PTPRM: variants seen among roughly 807,000 people sequenced by gnomAD.
The protein encoded by PTPRM is protein tyrosine phosphatase receptor type M, also known as receptor-type tyrosine-protein phosphatase mu.
A neutral mutation model predicts 186.7 loss-of-function variants in PTPRM; 47 were observed. The observed-to-expected ratio is 0.25, with a 90% CI of 0.20 to 0.32. PTPRM has a LOEUF of 0.32. PTPRM is among the 10% of genes least tolerant of loss of function. PTPRM has a pLI of 1.00. For synonymous variants in PTPRM, 668 were observed against 674.9 expected, an observed-to-expected ratio of 0.99 and a Z score of 0.16; for missense variants, 1,494 against 1,865.0, an observed-to-expected ratio of 0.80 and a Z score of 3.66.
chr18:7,828,149 C>T (rs1454109837), intron 2 of PTPRM, among the ~76,000 whole-genome samples: 2 of 151,996 alleles, frequency 1.3e-5, no homozygotes, highest in African/African-American at 2.4e-5. Flanking sequence ...TCAAATGAGG[C>T]AGGATTGTAG....
At chr18:7,949,578 A>T (rs2052794854) in intron 6 of PTPRM, among the ~76,000 whole-genome samples, 1 of 152,238 alleles carries the variant, frequency 6.6e-6, no homozygotes, top group Admixed American at 6.5e-5. Flanking sequence ...CACAAAAAAC[A>T]ATGAATGTGC....
At chr18:8,291,511 C>G (rs957541918) in intron 19 of PTPRM, among the ~76,000 whole-genome samples, 1 of 152,038 alleles carries the variant, frequency 6.6e-6, no homozygotes, top group Admixed American at 6.6e-5. Flanking sequence ...GATTACTTCC[C>G]AAGAATATTG....
At chr18:8,249,384 A>T (rs1383819838) in intron 17 of PTPRM, among the ~76,000 whole-genome samples, 2 of 152,214 alleles carry the variant, frequency 1.3e-5, no homozygotes, top group African/African-American at 4.8e-5. Context: ...CTGAGGGCTA[A>T]CAAAGCCCAC....
rs1018139405 is a variant in PTPRM at position 8,269,008 on chromosome 18, A to G, written c.2754+15594A>G. On this transcript the variant is annotated intron_variant, in intron 19 of 32. Coordinates refer to ENST00000580170, the MANE Select transcript of PTPRM (RefSeq NM_001105244.2). ...CTGAAAGCTTTTCTTCTAACAAGAC[A>G]AAGGTGCCCACTCTCACCAGTTCTG... Among the ~76,000 whole-genome samples, 26 of 152,154 alleles carry G rather than the reference A, an allele frequency of 1.7e-4. 1 individual carries two copies. The highest frequency in any genetic ancestry group is 1.7e-3 in the Admixed American group (26 of 15,278).
At chr18:8,247,772 G>A (rs1185585966) in intron 15 of PTPRM, 73 bp from the exon 16 acceptor site, 1 of 1,075,142 alleles carries the variant, frequency 9.3e-7, no homozygotes, top group African/African-American at 1.6e-5. Flanking sequence ...CACCATGGGT[G>A]GTCTCAGAGC....
chr18:7,830,579 C>T lies in PTPRM; in HGVS notation c.196+56308C>T, dbSNP rs1020354817. On this transcript the variant is annotated intron_variant, in intron 2 of 32. Transcript: ENST00000580170. Reference sequence around the variant, plus strand: ...TGCTGTTGACAGGAAAGTCGTTAGGCAGTACATGACTTACCTATGTAGAGA... The same window carrying T: ...TGCTGTTGACAGGAAAGTCGTTAGGTAGTACATGACTTACCTATGTAGAGA... Among the ~76,000 whole-genome samples the T allele has an allele frequency of 2.0e-5, 3 of 152,112 alleles. No homozygotes were observed. In the East Asian group the frequency reaches 5.8e-4, roughly 29 times the overall value.
intron 13 of PTPRM, among the ~76,000 whole-genome samples, chr18:8,140,339 A>G (rs1172919271): frequency 6.6e-6 from 1 of 151,998 alleles, no homozygotes; most frequent in African/African-American, 2.4e-5. Context: ...TGCTGCTGTT[A>G]TTTAATTTAA....
At chr18:8,198,675 C>A (rs2146806928) in intron 14 of PTPRM, among the ~76,000 whole-genome samples, 1 of 152,218 alleles carries the variant, frequency 6.6e-6, no homozygotes, top group South Asian at 2.1e-4. Flanking sequence ...ATCTGTCTTT[C>A]TTAATGACGA....
intron 14 of PTPRM, among the ~76,000 whole-genome samples, chr18:8,207,179 G>A (rs1205576280): frequency 6.6e-6 from 1 of 152,120 alleles, no homozygotes; most frequent in African/African-American, 2.4e-5. Flanking sequence ...GGTCATGGGT[G>A]GATATGAAAC....
chr18:8,345,115 A>G (rs1283812121), intron 23 of PTPRM, among the ~76,000 whole-genome samples: 1 of 152,236 alleles, frequency 6.6e-6, no homozygotes, highest in Non-Finnish European at 1.5e-5. Flanking sequence ...AAGTTGTCAC[A>G]TGCAAATAAC....
intron 2 of PTPRM, among the ~76,000 whole-genome samples, chr18:7,780,351 C>G (rs924045525): frequency 2.0e-5 from 3 of 152,186 alleles, no homozygotes; most frequent in African/African-American, 7.2e-5. Flanking sequence ...ACAGCCTTCA[C>G]TTTTGTTCTT....
chr18:8,113,767 G>T lies in PTPRM; in HGVS notation c.2130+8G>T, dbSNP rs1231195136. 12 of 1,606,024 alleles carry T rather than the reference G, an allele frequency of 7.5e-6. No individual in the cohort carries two copies. The highest frequency in any genetic ancestry group is 1.3e-5 in the African/African-American group (1 of 74,656). On this transcript the variant is annotated splice_region_variant and intron_variant, in intron 12 of 32. Transcript: ENST00000580170. ...GCTAGTAGAGCCAATGGGGTAAGTT[G>T]TACAGATAACTGTTTACTTAGGCTA...
intron 23 of PTPRM, among the ~76,000 whole-genome samples, chr18:8,350,950 C>T (rs762646758): frequency 4.6e-5 from 7 of 152,082 alleles, no homozygotes; most frequent in South Asian, 2.1e-4. Context: ...AGCCTCTAGT[C>T]GCAGGGGTCT....
chr18:8,161,392 G>T (rs1600921057), intron 14 of PTPRM, among the ~76,000 whole-genome samples: 2 of 152,180 alleles, frequency 1.3e-5, no homozygotes, highest in South Asian at 4.2e-4. Flanking sequence ...TGCCTAGGGG[G>T]GCCAGTAGAG....
At chr18:8,305,789 A>G (rs1942339752) in intron 20 of PTPRM, among the ~76,000 whole-genome samples, 1 of 152,144 alleles carries the variant, frequency 6.6e-6, no homozygotes, top group Non-Finnish European at 1.5e-5. Context: ...TCCAGTTTTC[A>G]GTTCTGCCCT....
chr18:7,840,387 A>G (rs1262644836), intron 2 of PTPRM, among the ~76,000 whole-genome samples: 1 of 152,228 alleles, frequency 6.6e-6, no homozygotes, highest in Non-Finnish European at 1.5e-5. Context: ...ATTGGAGGAC[A>G]CATATAGACA....
At chr18:7,998,622 A>C (rs181687542) in intron 7 of PTPRM, among the ~76,000 whole-genome samples, 6 of 152,280 alleles carry the variant, frequency 3.9e-5, no homozygotes, top group African/African-American at 1.4e-4. Flanking sequence ...AAAATTACAA[A>C]TATGGCAGGC....
intron 1 of PTPRM, among the ~76,000 whole-genome samples, chr18:7,616,068 C>T (rs1393301923): frequency 1.3e-5 from 2 of 152,174 alleles, no homozygotes; most frequent in South Asian, 2.1e-4. Context: ...CCGCTAGGTT[C>T]CTGACAGGCC....
chr18:7,701,709 A>AT (rs963481909), intron 1 of PTPRM, among the ~76,000 whole-genome samples: 1 of 151,996 alleles, frequency 6.6e-6, no homozygotes, highest in African/African-American at 2.4e-5. Flanking sequence ...CCTACAGACT[A>AT]TTTTTTATTA....
Sources: gnomAD v4.1 joint callset for allele counts (sites outside exome capture counted in the v4.1 genomes callset) on GRCh38, gnomAD v4.1.1 for gene constraint, MANE v1.5 for transcripts, NCBI Gene and HGNC (gene_info 2026-07-23, HGNC 2026-07-21) for gene names.